HPCAL1: variants seen among roughly 807,000 people sequenced by gnomAD.
HPCAL1 encodes hippocalcin-like protein 1.
In HPCAL1, 8 loss-of-function variants were observed where a neutral mutation model predicts 17.1. That is an observed-to-expected ratio of 0.47 (90% confidence interval 0.27 to 0.84). The LOEUF (loss-of-function observed/expected upper bound fraction) is 0.84, where lower values mean the gene tolerates loss of function less well. Ranked by LOEUF, HPCAL1 falls within the 40% of genes least tolerant of loss-of-function variation. The pLI is 0.13. For missense variants in HPCAL1, 165 were observed against 271.1 expected (o/e 0.61, Z 2.75); for synonymous variants, 112 against 111.4 (o/e 1.01, Z -0.03).
At chr2:10,358,136 C>T (rs1037453428) in intron 1 of HPCAL1, among the ~76,000 whole-genome samples, 1 of 152,232 alleles carries the variant, frequency 6.6e-6, no homozygotes, top group East Asian at 1.9e-4. Context: ...TGGCTAAAAT[C>T]GTGGCCGATG....
rs1456453692 is a variant in HPCAL1, at chr2:10,362,141, C to T, written c.-110-34694C>T. Among the ~76,000 whole-genome samples the T allele has an allele frequency of 1.3e-5, 2 of 152,228 alleles. No homozygotes were observed. The highest frequency in any genetic ancestry group is 2.1e-4 in the South Asian group (1 of 4,836). ...CTTAGCTAGTAAGTGATGGGCAGGG[C>T]TGTGGAGCTGGTTCACTTGACTCTG... is the stretch of plus-strand genomic sequence containing the variant. On this transcript the variant is annotated intron_variant, in intron 1 of 4. Transcript: ENST00000307845. This position sits in a 1 kb window ranked among gnomAD's most constrained non-coding sequence, Gnocchi z 5.0.
chr2:10,313,625 C>A (rs1663120560), intron 1 of HPCAL1, among the ~76,000 whole-genome samples: 1 of 152,200 alleles, frequency 6.6e-6, no homozygotes, highest in Non-Finnish European at 1.5e-5. Context: ...CCCATCCCAT[C>A]ATTGATGTCT....
chr2:10,374,028 G>T (rs1558496528), intron 1 of HPCAL1, among the ~76,000 whole-genome samples: 1 of 152,154 alleles, frequency 6.6e-6, no homozygotes, highest in Non-Finnish European at 1.5e-5. Context: ...TAGTCTCATG[G>T]CTGGCTGGCC....
At chr2:10,402,059 C>T (rs999484344) in intron 2 of HPCAL1, among the ~76,000 whole-genome samples, 4 of 152,084 alleles carry the variant, frequency 2.6e-5, no homozygotes, top group Non-Finnish European at 4.4e-5. Context: ...ACCACCACGC[C>T]CGGCTAATTT....
chr2:10,422,172 G>A (rs780502266), intron 3 of HPCAL1, among the ~76,000 whole-genome samples: 10 of 152,162 alleles, frequency 6.6e-5, no homozygotes, highest in Admixed American at 1.3e-4. Flanking sequence ...TTCCCCCGAC[G>A]CCATCGATGG....
chr2:10,380,737 C>A (rs1299537435), intron 1 of HPCAL1, among the ~76,000 whole-genome samples: 1 of 151,966 alleles, frequency 6.6e-6, no homozygotes, highest in African/African-American at 2.4e-5. Flanking sequence ...TTCCCAGATT[C>A]CAGGTGGGGC....
At chr2:10,324,734 T>C (rs965948116) in intron 1 of HPCAL1, among the ~76,000 whole-genome samples, 1 of 143,592 alleles carries the variant, frequency 7.0e-6, no homozygotes, top group Admixed American at 7.0e-5. Context: ...GGGGAGGGGG[T>C]GTTTGCTTTG....
At chr2:10,422,933 C>T (rs775284915) in intron 3 of HPCAL1, 50 bp from the exon 4 acceptor site, 26 of 1,391,092 alleles carry the variant, frequency 1.9e-5, no homozygotes, top group East Asian at 1.9e-4. Context: ...TTGCTGCACC[C>T]GCCCAAGCCC....
chr2:10,397,135 C>T (rs1218264975), intron 2 of HPCAL1, among the ~76,000 whole-genome samples: 1 of 152,200 alleles, frequency 6.6e-6, no homozygotes, highest in Non-Finnish European at 1.5e-5. Flanking sequence ...AACAGCCCCC[C>T]AGGCCCCACA....
chr2:10,409,052 A>G (rs527818608), intron 2 of HPCAL1, among the ~76,000 whole-genome samples: 1 of 152,348 alleles, frequency 6.6e-6, no homozygotes, highest in African/African-American at 2.4e-5. Flanking sequence ...TGTAATCAAG[A>G]AAGAGAAAGT....
chr2:10,400,433 A>C (rs530860208), intron 2 of HPCAL1, among the ~76,000 whole-genome samples: 2 of 152,214 alleles, frequency 1.3e-5, no homozygotes, highest in Non-Finnish European at 2.9e-5. Context: ...GAACAGGGCC[A>C]TGGAGATTTG....
chr2:10,371,600 C>T (rs1184442510), intron 1 of HPCAL1, among the ~76,000 whole-genome samples: 6 of 152,152 alleles, frequency 3.9e-5, no homozygotes, highest in Non-Finnish European at 7.4e-5. Flanking sequence ...TCTGTCTCCT[C>T]GACGCCAGTC....
chr2:10,406,833 G>A (rs1412423632), intron 2 of HPCAL1, among the ~76,000 whole-genome samples: 1 of 152,244 alleles, frequency 6.6e-6, no homozygotes, highest in Non-Finnish European at 1.5e-5. Flanking sequence ...CTGCCTTTGA[G>A]CTTCCTTTTC....
intron 2 of HPCAL1, among the ~76,000 whole-genome samples, chr2:10,399,446 C>A (rs1441975369): frequency 9.2e-5 from 9 of 98,188 alleles, no homozygotes; most frequent in Non-Finnish European, 1.4e-4. Context: ...CCACCATCAC[C>A]ATCACCACCA....
chr2:10,364,580 C>T (rs898958090), intron 1 of HPCAL1, among the ~76,000 whole-genome samples: 34 of 151,714 alleles, frequency 2.2e-4, no homozygotes, highest in African/African-American at 2.4e-4. Context: ...CCTAAGCTCC[C>T]GCCTCCTTTT....
intron 1 of HPCAL1, among the ~76,000 whole-genome samples, chr2:10,315,201 G>C (rs1321169165): frequency 1.3e-5 from 2 of 151,846 alleles, no homozygotes; most frequent in African/African-American, 2.4e-5. Context: ...GCTGAGGCAG[G>C]AGAATAGGGT....
At chr2:10,307,433 C>T (rs1016069997) in intron 1 of HPCAL1, among the ~76,000 whole-genome samples, 7 of 152,202 alleles carry the variant, frequency 4.6e-5, no homozygotes, top group African/African-American at 1.7e-4. Flanking sequence ...GCTGAACTCA[C>T]CTATGCCCAC....
intron 1 of HPCAL1, among the ~76,000 whole-genome samples, chr2:10,364,727 AG>A (rs1381535547): frequency 6.6e-6 from 1 of 152,078 alleles, no homozygotes; most frequent in East Asian, 1.9e-4. Context: ...CTGGGACTAC[AG>A]GTGCATGCCC....
At chr2:10,372,724 G>A (rs1230625752) in intron 1 of HPCAL1, among the ~76,000 whole-genome samples, 1 of 152,248 alleles carries the variant, frequency 6.6e-6, no homozygotes, top group Non-Finnish European at 1.5e-5. Context: ...GAGCACACCT[G>A]TGCTGCTCCT....
Sources: allele counts gnomAD v4.1 joint callset (sites outside exome capture counted in the v4.1 genomes callset), GRCh38; gene constraint gnomAD v4.1.1; non-coding constraint Gnocchi (gnomAD v3.1); transcripts MANE v1.5; gene names NCBI Gene and HGNC (gene_info 2026-07-23, HGNC 2026-07-21).